The following ZGRF1 variants were observed in gnomAD, a reference collection of about 807,000 sequenced individuals.
ZGRF1 encodes the protein 5'-3' DNA helicase ZGRF1.
In ZGRF1, 196 loss-of-function variants were observed where a neutral mutation model predicts 203.5. That is an observed-to-expected ratio of 0.96 (90% CI 0.86 to 1.08). The LOEUF (loss-of-function observed/expected upper bound fraction) is 1.08. Ranked by LOEUF, ZGRF1 falls within the 50% of genes least tolerant of loss-of-function variation. ZGRF1 has a pLI of 0.00. For synonymous variants in ZGRF1, 809 were observed against 841.3 expected (o/e 0.96, Z 0.66); for missense variants, 2,326 against 2,416.3 (o/e 0.96, Z 0.78).
In ZGRF1 at chr4:112,553,963, T is replaced by C; in HGVS notation, c.5218A>G (p.Asn1740Asp). 1.2e-6 allele frequency: 2 copies of C among 1,608,910 alleles called. No individual in the cohort carries two copies. The highest frequency in any genetic ancestry group is 1.7e-6 in the Non-Finnish European group (2 of 1,178,700). Residue 1740 changes from asparagine (N) to aspartate (D), a missense_variant, in exon 22 of 28, where the codon AAT becomes GAT. By Grantham distance (23) the Asn-to-Asp change is conservative. Coordinates refer to ENST00000505019, the MANE Select transcript of ZGRF1 (RefSeq NM_018392.5). Reference sequence around the variant, plus strand: ...AGTTCTTTTAACTGTTCACTTTCATTTTCTGAGCCAGCATGCAAGCTAAAG... The same window carrying C: ...AGTTCTTTTAACTGTTCACTTTCATCTTCTGAGCCAGCATGCAAGCTAAAG... The part of the protein sequence containing the change: ...LPYSLHAGSE[N>D]ESEQLKELHA...
rs771998938 is a variant in ZGRF1, at chr4:112,618,887, A to T, written c.1155T>A (p.Tyr385Ter). The change falls in exon 6 of 28, where the codon TAT becomes TAA. Residue 385 changes from tyrosine to a stop codon, truncating the protein, a stop_gained. Transcript: ENST00000505019. LOFTEE classifies it high-confidence loss of function. ...TATTACCGACTGACTGGTCTACATT[A>T]TACTTTTTCCTCTCTTCAGCATACG... ...VETYAEERKKYNVDQSVGNND... is the reference protein window; with the variant it reads ...VETYAEERKK 4 of 1,613,818 alleles carry T rather than the reference A, an allele frequency of 2.5e-6. No individual in the cohort carries two copies. Among genetic ancestry groups the T allele is most frequent in the Non-Finnish European group, 3.4e-6 (4 of 1,179,844 alleles).
At chr4:112,564,449 T>C (rs146699396) in intron 16 of ZGRF1, among the ~76,000 whole-genome samples, 1 of 152,330 alleles carries the variant, frequency 6.6e-6, no homozygotes, top group Non-Finnish European at 1.5e-5. Context: ...TCAAATTGGA[T>C]TCATCTTAAA....
intron 16 of ZGRF1, among the ~76,000 whole-genome samples, chr4:112,575,965 T>C (rs906799670): frequency 6.6e-6 from 1 of 152,220 alleles, no homozygotes; most frequent in African/African-American, 2.4e-5. Context: ...CATCTGAGAA[T>C]GGACAGACTG....
At chr4:112,580,605 A>C (rs1239886059) in intron 16 of ZGRF1, among the ~76,000 whole-genome samples, 1 of 152,272 alleles carries the variant, frequency 6.6e-6, no homozygotes, top group East Asian at 1.9e-4. Flanking sequence ...ACCCCATCAA[A>C]AAGTGGGCAA....
chr4:112,587,570 C>T lies in ZGRF1; in HGVS notation c.3487G>A (p.Val1163Ile), dbSNP rs763627701. The change falls in exon 12 of 28, where the codon GTT becomes ATT. Residue 1163 changes from valine (V) to isoleucine (I), a missense_variant. By Grantham distance (29) the Val-to-Ile change is conservative. Coordinates refer to ENST00000505019, the MANE Select transcript of ZGRF1 (RefSeq NM_018392.5). ...SQCNVATPNR[V>I]DKRITDGFFA... ...AAGCCATCAGTTATTCTCTTATCAA[C>T]TCTGTTTGGAGTAGCCACGTTGCAT... The T allele has an allele frequency of 1.4e-5, 22 of 1,613,730 alleles. No individual in the cohort carries two copies. The highest frequency in any genetic ancestry group is 1.6e-4 in the Middle Eastern group (1 of 6,082).
intron 16 of ZGRF1, among the ~76,000 whole-genome samples, chr4:112,581,393 C>T (rs1396842706): frequency 6.7e-6 from 1 of 150,280 alleles, no homozygotes; most frequent in Non-Finnish European, 1.5e-5. Context: ...CAAACCTACA[C>T]GTTGTGCACA....
Position 112,539,423 on chromosome 4 carries a change from T to C in ZGRF1, c.*124A>G, listed in dbSNP as rs979266996. On this transcript the variant is annotated 3_prime_UTR_variant, in exon 28 of 28. Transcript: ENST00000505019. Reference sequence around the variant, plus strand: ...TTGAAGAACAAAATTTTTACATGTGTTTACTATGTTATTTAAATATCATAT... The same window carrying C: ...TTGAAGAACAAAATTTTTACATGTGCTTACTATGTTATTTAAATATCATAT... 1.3e-5 allele frequency: 7 copies of C among 553,382 alleles called. No homozygotes were observed. The highest frequency in any genetic ancestry group is 2.0e-5 in the Non-Finnish European group (7 of 346,478). 34.3% of individuals were successfully genotyped at this position (553,382 alleles called of 1,614,324 possible). A position where few individuals can be genotyped will look rare whatever the true frequency, so the allele number is the denominator to read the frequency against.
In ZGRF1 at chr4:112,618,416, A is replaced by C. The variant is rs1161446581; in HGVS notation, c.1626T>G (p.Thr542=). ...TGTTGCTTTCCTGTGATTCCTCCTC[A>C]GTGTCACTGGTCTCAAAATTGTTCA... ...FNLNNFETSD[T]EEESQESNKI... Residue 542 remains threonine (T), a synonymous_variant, in exon 6 of 28, where the codon ACT becomes ACG. Transcript: ENST00000505019. 1.2e-6 allele frequency: 2 copies of C among 1,613,850 alleles called. No homozygotes were observed. Among genetic ancestry groups the C allele is most frequent in the East Asian group, 2.2e-5 (1 of 44,860 alleles).
rs151241416 is a variant in ZGRF1, at chr4:112,636,111, CAA to C, written c.-67+738_-67+739del. 4.9e-3 allele frequency among the ~76,000 whole-genome samples: 749 copies of C among 152,256 alleles called. 1 individual carries two copies. The highest frequency in any genetic ancestry group is 8.2e-3 in the Non-Finnish European group (557 of 68,014). On this transcript the variant is annotated intron_variant, in intron 1 of 27. Transcript: ENST00000505019. ...GCATCATATATATTTAAGTGAGATG[CAA>C]AGAGTTTTTTCCAAGTGTTCATCTG...
chr4:112,577,005 A>G (rs1216391050), intron 16 of ZGRF1, among the ~76,000 whole-genome samples: 1 of 151,128 alleles, frequency 6.6e-6, no homozygotes, highest in Non-Finnish European at 1.5e-5. Context: ...AATGAAGGAA[A>G]AAATGTTAAG....
chr4:112,601,304 C>A (rs1353008983), intron 10 of ZGRF1, among the ~76,000 whole-genome samples: 1 of 151,984 alleles, frequency 6.6e-6, no homozygotes, highest in Non-Finnish European at 1.5e-5. Flanking sequence ...AATCCCAGCA[C>A]TTTGGGAGGC....
At position 112,619,217 on chromosome 4, in the gene ZGRF1, T is replaced by C; in HGVS notation, c.825A>G (p.Thr275=). 1 of 1,613,318 alleles carries C rather than the reference T, an allele frequency of 6.2e-7. No individual in the cohort carries two copies. Among genetic ancestry groups the C allele is most frequent in the Non-Finnish European group, 8.5e-7 (1 of 1,179,974 alleles). ...SSCEELNSEM[T]EHFPQKQPQG... Reference sequence around the variant, plus strand: ...GTGGTTGTTTTTGAGGAAAATGCTCTGTCATCTCAGAATTTAGTTCCTCAC... The same window carrying C: ...GTGGTTGTTTTTGAGGAAAATGCTCCGTCATCTCAGAATTTAGTTCCTCAC... The change falls in exon 6 of 28, where the codon ACA becomes ACG. Residue 275 remains threonine (T), a synonymous_variant. Transcript: ENST00000505019.
intron 16 of ZGRF1, among the ~76,000 whole-genome samples, chr4:112,575,048 C>CA (rs201783478): frequency 4.9e-4 from 70 of 141,898 alleles, no homozygotes; most frequent in Middle Eastern, 3.6e-3. Context: ...AACAAGCAAA[C>CA]AAAAAAAAAA....
chr4:112,550,516 T>A (rs1047001581), intron 22 of ZGRF1, among the ~76,000 whole-genome samples: 3 of 152,038 alleles, frequency 2.0e-5, no homozygotes, highest in African/African-American at 4.8e-5. Flanking sequence ...AAAGAAAAAA[T>A]TTTAAAATAA....
chr4:112,565,792 A>G (rs1025300059), intron 16 of ZGRF1, among the ~76,000 whole-genome samples: 14 of 152,190 alleles, frequency 9.2e-5, no homozygotes, highest in African/African-American at 3.4e-4. Context: ...CAAAACCACA[A>G]TGAGATACCA....
At chr4:112,590,453 T>A (rs1429900339) in intron 10 of ZGRF1, among the ~76,000 whole-genome samples, 1 of 152,182 alleles carries the variant, frequency 6.6e-6, no homozygotes, top group Non-Finnish European at 1.5e-5. Flanking sequence ...ACACAATATA[T>A]ATATTTGTAT....
intron 22 of ZGRF1, among the ~76,000 whole-genome samples, chr4:112,550,055 T>C (rs1036635983): frequency 2.6e-5 from 4 of 151,942 alleles, no homozygotes; most frequent in African/African-American, 9.7e-5. Context: ...TAGCCGGGCG[T>C]GGTGGCGGTG....
Position 112,633,251 on chromosome 4 carries a change from A to T in ZGRF1, c.-66-9T>A, listed in dbSNP as rs2047471946. On this transcript the variant is annotated splice_polypyrimidine_tract_variant and intron_variant, in intron 1 of 27. Transcript: ENST00000505019. Reference sequence around the variant, plus strand: ...TCAACTATTTATACCACCTAAAATTAAAAATGACATAAAATTTCAACCCTG... The same window carrying T: ...TCAACTATTTATACCACCTAAAATTTAAAATGACATAAAATTTCAACCCTG... 2 of 1,194,968 alleles carry T rather than the reference A, an allele frequency of 1.7e-6. No individual in the cohort carries two copies. The highest frequency in any genetic ancestry group is 2.4e-6 in the Non-Finnish European group (2 of 828,704). 74.0% of individuals were successfully genotyped at this position (1,194,968 alleles called of 1,614,324 possible).
At chr4:112,595,580 A>ACGTG (rs1748866904) in intron 10 of ZGRF1, among the ~76,000 whole-genome samples, 1 of 151,206 alleles carries the variant, frequency 6.6e-6, no homozygotes. Flanking sequence ...GTGTGTATAT[A>ACGTG]TGTGTGTGTG....
Sources: allele counts gnomAD v4.1 joint callset (sites outside exome capture counted in the v4.1 genomes callset), GRCh38; gene constraint gnomAD v4.1.1; transcripts MANE v1.5; gene names NCBI Gene and HGNC (gene_info 2026-07-23, HGNC 2026-07-21).